The following PRSS23 variants were observed in gnomAD, a reference collection of about 807,000 sequenced individuals.
PRSS23 encodes protease, serine 23.
Under a neutral mutation model 34.7 loss-of-function variants are expected in PRSS23, and 25 were observed. The observed-to-expected ratio is 0.72, with a 90% CI of 0.53 to 1.01. PRSS23 has a LOEUF of 1.01. Among genes scored for constraint, PRSS23 ranks in the 50% least tolerant of loss-of-function variants. The pLI, the probability that PRSS23 is intolerant of heterozygous loss-of-function variation, is 0.00. For synonymous variants in PRSS23, 176 were observed against 186.6 expected, an observed-to-expected ratio of 0.94 and a Z score of 0.46; for missense variants, 445 against 475.6, an observed-to-expected ratio of 0.94 and a Z score of 0.60.
In PRSS23 at chr11:86,808,601, G is replaced by A; in HGVS notation, c.958G>A (p.Val320Ile). 1 of 1,614,204 alleles carries A rather than the reference G, an allele frequency of 6.2e-7. No homozygotes were observed. Among genetic ancestry groups the A allele is most frequent in the Non-Finnish European group, 8.5e-7 (1 of 1,180,036 alleles). Residue 320 changes from valine (V) to isoleucine (I), a missense_variant, in exon 2 of 2, where the codon GTC becomes ATC. Physicochemically the swap from Val to Ile is conservative, Grantham distance 29 (BLOSUM62 3). Coordinates refer to ENST00000280258, the MANE Select transcript of PRSS23 (RefSeq NM_007173.6). Reference protein sequence around the residue: ...DAQPGASGSGVYVRMWKRQQQ... With the variant: ...DAQPGASGSGIYVRMWKRQQQ... ...CCAGCCAGGGGCCAGCGGGTCTGGG[G>A]TCTATGTGAGGATGTGGAAGAGACA...
rs1463791816 is a variant in PRSS23, at chr11:86,806,569, G to A, written c.-13-1062G>A. Among the ~76,000 whole-genome samples, 3 of 152,208 alleles carry A rather than the reference G, an allele frequency of 2.0e-5. No homozygotes were observed. In the East Asian group the frequency reaches 5.8e-4, roughly 29 times the overall value. The stretch of plus-strand genomic sequence containing the variant: ...ATACATTTGGTCCTCTATATTGAGA[G>A]GTTGGAGCGAGGCTGTGGCATACTA... On this transcript the variant is annotated intron_variant, in intron 1 of 1. Transcript: ENST00000280258.
intron 2 of PRSS23, among the ~76,000 whole-genome samples, chr11:86,869,329 A>G (rs1948670038): frequency 6.6e-6 from 1 of 152,176 alleles, no homozygotes; most frequent in African/African-American, 2.4e-5. Flanking sequence ...AAGTTCACAG[A>G]AGTCATTTTC....
At position 86,823,420 on chromosome 11, in the gene PRSS23, G is replaced by A. The variant is rs1412229662; in HGVS notation, c.33G>A (p.Trp11Ter). Residue 11 changes from tryptophan to a stop codon, truncating the protein, a stop_gained, in exon 2 of 3, where the codon TGG (tryptophan) becomes TGA (stop). Coordinates refer to the PRSS23 transcript ENST00000533902. LOFTEE classifies it high-confidence loss of function. The stretch of plus-strand genomic sequence containing the variant: ...GAATGAGACCTGTGTGCCAACCCTG[G>A]CCTAGTCCTCATGCCCCCACAACTG... 1.4e-6 allele frequency: 1 copy of A among 702,282 alleles called. No individual in the cohort carries two copies. Among genetic ancestry groups the A allele is most frequent in the South Asian group, 1.5e-5 (1 of 67,584 alleles). The allele number at this position is 702,282 out of a possible 1,614,324, so 43.5% of individuals were successfully genotyped here. A position where few individuals can be genotyped will look rare whatever the true frequency, so the allele number is the denominator to read the frequency against.
rs549222243 is a variant in PRSS23 at position 86,808,166 on chromosome 11, C to G, written c.523C>G (p.His175Asp). The change falls in exon 2 of 2, where the codon CAC (histidine) becomes GAC (aspartate). Residue 175 changes from histidine (H) to aspartate (D), a missense_variant. Transcript: ENST00000280258. Reference sequence around the variant, plus strand: ...AGAGAAGCATGTCCTCACAGCTGCCCACTGCATACACGATGGAAAAACCTA... The same window carrying G: ...AGAGAAGCATGTCCTCACAGCTGCCGACTGCATACACGATGGAAAAACCTA... ...VAEKHVLTAA[H>D]CIHDGKTYVK... The G allele has an allele frequency of 2.5e-5, 40 of 1,614,168 alleles. No individual in the cohort carries two copies. Among genetic ancestry groups the G allele is most frequent in the Non-Finnish European group, 3.3e-5 (39 of 1,180,030 alleles).
chr11:86,840,730 T>A (rs1044020737), intron 2 of PRSS23, among the ~76,000 whole-genome samples: 1 of 152,140 alleles, frequency 6.6e-6, no homozygotes, highest in Non-Finnish European at 1.5e-5. Context: ...CCTCAGCAAA[T>A]GTAAAAGAAC....
chr11:86,938,572 G>A (rs1295716586), intron 2 of PRSS23, among the ~76,000 whole-genome samples: 1 of 152,172 alleles, frequency 6.6e-6, no homozygotes, highest in African/African-American at 2.4e-5. Flanking sequence ...TGATGTGGCT[G>A]GAAGAGAGGG....
upstream of PRSS23, among the ~76,000 whole-genome samples, chr11:86,796,396 C>T (rs1415964867): frequency 1.3e-5 from 2 of 152,080 alleles, no homozygotes; most frequent in Admixed American, 1.3e-4. Flanking sequence ...AATCCCAGCA[C>T]TTTGGGAGGC....
exon 3 of PRSS23, chr11:86,952,027 G>T (rs560649393): frequency 1.9e-6 from 3 of 1,613,986 alleles, no homozygotes; most frequent in Non-Finnish European, 1.7e-6. Context: ...TAGAAGAATC[G>T]ATCAGGAAGG....
At chr11:86,827,484 T>C (rs914194534) in intron 2 of PRSS23, among the ~76,000 whole-genome samples, 1 of 152,250 alleles carries the variant, frequency 6.6e-6, no homozygotes, top group Non-Finnish European at 1.5e-5. Context: ...TTTTTGTGTC[T>C]CTATTTCCTT....
intron 2 of PRSS23, chr11:86,909,137 T>TAA (rs1948961983): frequency 4.6e-5 from 7 of 152,224 alleles, no homozygotes; most frequent in Admixed American, 3.9e-4. Context: ...AGGCTACAGC[T>TAA]AAATTCAGGC....
intron 1 of PRSS23, among the ~76,000 whole-genome samples, chr11:86,820,989 T>C (rs1403245382): frequency 6.6e-6 from 1 of 152,166 alleles, no homozygotes; most frequent in Non-Finnish European, 1.5e-5. Flanking sequence ...TTAAAAAGTA[T>C]TTCCCATTTT....
chr11:86,934,011 T>C (rs1011425395), intron 2 of PRSS23: 1 of 152,236 alleles, frequency 6.6e-6, no homozygotes, highest in Non-Finnish European at 1.5e-5. Flanking sequence ...TTAAGTGGAA[T>C]AGATCCAGCT....
downstream of PRSS23, among the ~76,000 whole-genome samples, chr11:86,815,642 T>C (rs1464320193): frequency 6.6e-6 from 1 of 152,258 alleles, no homozygotes; most frequent in Non-Finnish European, 1.5e-5. Context: ...TACAAGACTA[T>C]GAGCCTTGCA....
At chr11:86,864,721 G>A (rs932816612) in intron 2 of PRSS23, among the ~76,000 whole-genome samples, 1 of 152,212 alleles carries the variant, frequency 6.6e-6, no homozygotes, top group African/African-American at 2.4e-5. Context: ...TGGTTCTTAT[G>A]AACTATGATC....
intron 2 of PRSS23, among the ~76,000 whole-genome samples, chr11:86,856,746 A>G (rs1227001478): frequency 2.0e-5 from 3 of 152,238 alleles, no homozygotes; most frequent in African/African-American, 7.2e-5. Context: ...TTACAAAATT[A>G]CAAAATGAAT....
intron 2 of PRSS23, among the ~76,000 whole-genome samples, chr11:86,859,177 T>C (rs1481469887): frequency 4.6e-5 from 7 of 151,996 alleles, no homozygotes; most frequent in African/African-American, 1.7e-4. Flanking sequence ...CCCCCTGTGA[T>C]CTTGTTCCTA....
chr11:86,863,791 A>AT (rs67028466), intron 2 of PRSS23, among the ~76,000 whole-genome samples: 2 of 72,446 alleles, frequency 2.8e-5, no homozygotes, highest in African/African-American at 8.6e-5. Flanking sequence ...TAACAGATGC[A>AT]GACAAAGCCA....
intron 2 of PRSS23, among the ~76,000 whole-genome samples, chr11:86,931,244 C>T (rs1211045131): frequency 2.0e-5 from 3 of 151,948 alleles, no homozygotes; most frequent in East Asian, 1.9e-4. Flanking sequence ...GGTATTTATC[C>T]AAGTTAAATG....
rs1948048083 is a variant in PRSS23, at chr11:86,802,185, G to T, written c.-14+1534G>T. Reference sequence around the variant, plus strand: ...ATGCCTAACTCCCACAGACTCCAGGGAATTTGTTTCTCATGTTCTCAATAT... The same window carrying T: ...ATGCCTAACTCCCACAGACTCCAGGTAATTTGTTTCTCATGTTCTCAATAT... On this transcript the variant is annotated intron_variant, in intron 1 of 1. Coordinates refer to ENST00000280258, the MANE Select transcript of PRSS23 (RefSeq NM_007173.6). Among the ~76,000 whole-genome samples the T allele has an allele frequency of 4.6e-5, 7 of 152,236 alleles. 1 individual carries two copies. The South Asian group carries it at 1.5e-3, about 32-fold the overall frequency.
Sources: gnomAD v4.1 joint callset for allele counts (sites outside exome capture counted in the v4.1 genomes callset) on GRCh38, gnomAD v4.1.1 for gene constraint, MANE v1.5 for transcripts, NCBI Gene and HGNC (gene_info 2026-07-23, HGNC 2026-07-21) for gene names.